PXDNL: variants seen among roughly 807,000 people sequenced by gnomAD.
PXDNL encodes the protein peroxidasin like.
PXDNL carries 145 observed loss-of-function variants against 150.8 expected under a neutral mutation model. The ratio of observed to expected loss-of-function variants is 0.96; its 90% CI spans 0.84 to 1.10. The LOEUF (loss-of-function observed/expected upper bound fraction) is 1.10. Ranked by LOEUF, PXDNL falls within the 50% of genes least tolerant of loss-of-function variation. PXDNL has a pLI of 0.00. For synonymous variants in PXDNL, 757 were observed against 725.7 expected, an observed-to-expected ratio of 1.04 and a Z score of -0.69; for missense variants, 2,087 against 1,873.9, an observed-to-expected ratio of 1.11 and a Z score of -2.10.
intron 1 of PXDNL, among the ~76,000 whole-genome samples, chr8:51,719,293 C>T (rs995486201): frequency 3.3e-5 from 5 of 152,204 alleles, no homozygotes; most frequent in African/African-American, 1.2e-4. Context: ...TTGTTCTGTA[C>T]TAAGAAAAAT....
intron 4 of PXDNL, among the ~76,000 whole-genome samples, chr8:51,541,229 G>T (rs1202320079): frequency 6.8e-6 from 1 of 146,070 alleles, no homozygotes; most frequent in Non-Finnish European, 1.5e-5. Context: ...CTGCACTCCG[G>T]CCTGGCGACA....
At chr8:51,502,282 G>A (rs937866498) in intron 4 of PXDNL, among the ~76,000 whole-genome samples, 4 of 152,200 alleles carry the variant, frequency 2.6e-5, no homozygotes, top group Non-Finnish European at 5.9e-5. Flanking sequence ...CACAGGCTCA[G>A]CTGACACAGA....
intron 4 of PXDNL, among the ~76,000 whole-genome samples, chr8:51,527,552 A>G (rs1378851678): frequency 6.6e-6 from 1 of 152,206 alleles, no homozygotes; most frequent in Non-Finnish European, 1.5e-5. Flanking sequence ...TGAGGTGAGT[A>G]TTATTATCCA....
At chr8:51,530,260 G>A (rs560788724) in intron 4 of PXDNL, among the ~76,000 whole-genome samples, 1 of 152,212 alleles carries the variant, frequency 6.6e-6, no homozygotes, top group African/African-American at 2.4e-5. Context: ...GCGGCAAAAA[G>A]GGATCTAGCG....
intron 2 of PXDNL, among the ~76,000 whole-genome samples, chr8:51,622,152 G>C (rs1202246205): frequency 6.6e-6 from 1 of 152,092 alleles, no homozygotes; most frequent in Admixed American, 6.5e-5. Context: ...CACCTGTCAG[G>C]ACCAAAGAGG....
At chr8:51,367,516 C>G (rs1250698728) in intron 19 of PXDNL, among the ~76,000 whole-genome samples, 1 of 152,100 alleles carries the variant, frequency 6.6e-6, no homozygotes, top group African/African-American at 2.4e-5. Flanking sequence ...TCTGACAACA[C>G]TTTTTTTCAT....
Position 51,669,230 on chromosome 8 carries a change from G to A in PXDNL, c.165-14470C>T, listed in dbSNP as rs977717777. On this transcript the variant is annotated intron_variant, in intron 1 of 22. Coordinates refer to ENST00000356297, the MANE Select transcript of PXDNL (RefSeq NM_144651.5). ...CGGAAACTTAATGTAGAAAGTTCACGGAATTAACTAGGATCAAAAAGAGAA... is the reference window on the plus strand; with the variant it reads ...CGGAAACTTAATGTAGAAAGTTCACAGAATTAACTAGGATCAAAAAGAGAA... 5.3e-5 allele frequency among the ~76,000 whole-genome samples: 8 copies of A among 152,064 alleles called. No individual in the cohort carries two copies. The South Asian group carries it at 6.2e-4, about 12-fold the overall frequency.
intron 4 of PXDNL, among the ~76,000 whole-genome samples, chr8:51,540,612 C>T (rs1812194975): frequency 1.3e-5 from 2 of 151,674 alleles, no homozygotes; most frequent in South Asian, 4.2e-4. Context: ...ATTTATTGAG[C>T]TTTATTATGT....
At chr8:51,533,643 C>T (rs1278545829) in intron 4 of PXDNL, among the ~76,000 whole-genome samples, 2 of 150,258 alleles carry the variant, frequency 1.3e-5, no homozygotes, top group African/African-American at 5.0e-5. Flanking sequence ...GCCGCCACGC[C>T]TGACTGGTTT....
intron 6 of PXDNL, among the ~76,000 whole-genome samples, chr8:51,476,941 A>AAAGTCCTT (rs1810492257): frequency 6.6e-6 from 1 of 152,232 alleles, no homozygotes; most frequent in South Asian, 2.1e-4. Flanking sequence ...AACATGGAAA[A>AAAGTCCTT]ACAAATACAC....
At position 51,404,875 on chromosome 8, in the gene PXDNL, C is replaced by T. The variant is rs1482716505; in HGVS notation, c.3557+3192G>A. On this transcript the variant is annotated intron_variant, in intron 17 of 22. Transcript: ENST00000356297. ...GGACTGGGTGCCCCAGAGCAGGGGA[C>T]GGTGATCGTCAGGGAGGCTCGGGCT... is the stretch of plus-strand genomic sequence containing the variant. Among the ~76,000 whole-genome samples the T allele has an allele frequency of 6.6e-5, 10 of 152,270 alleles. No individual in the cohort carries two copies. In the East Asian group the frequency reaches 9.7e-4, roughly 15 times the overall value.
At chr8:51,374,068 C>G (rs970752113) in intron 18 of PXDNL, among the ~76,000 whole-genome samples, 16 of 152,180 alleles carry the variant, frequency 1.1e-4, no homozygotes, top group African/African-American at 3.6e-4. Context: ...AGTTATCTTT[C>G]CACTCGTAAA....
chr8:51,687,294 C>G (rs1040852998), intron 1 of PXDNL, among the ~76,000 whole-genome samples: 3 of 152,120 alleles, frequency 2.0e-5, no homozygotes, highest in Non-Finnish European at 4.4e-5. Flanking sequence ...TTAGGAGTCT[C>G]AATATGTCAG....
chr8:51,764,233 T>C (rs1447822948), intron 1 of PXDNL, among the ~76,000 whole-genome samples: 1 of 152,086 alleles, frequency 6.6e-6, no homozygotes, highest in Non-Finnish European at 1.5e-5. Flanking sequence ...ATTTGTCAAT[T>C]TTTTGACCTT....
At chr8:51,749,986 C>T (rs191127189) in intron 1 of PXDNL, among the ~76,000 whole-genome samples, 218 of 152,310 alleles carry the variant, frequency 1.4e-3, no homozygotes, top group Non-Finnish European at 2.9e-3. Context: ...AGGCGTGAGC[C>T]ACCAGGCCCG....
In PXDNL at chr8:51,556,862, C is replaced by T; in HGVS notation, c.358G>A (p.Gly120Arg). 1 of 1,581,384 alleles carries T rather than the reference C, an allele frequency of 6.3e-7. No homozygotes were observed. The highest frequency in any genetic ancestry group is 8.7e-7 in the Non-Finnish European group (1 of 1,151,222). Residue 120 changes from glycine to arginine, a missense_variant, in exon 4 of 23, where the codon GGA becomes AGA. Physicochemically the swap from Gly to Arg is moderately radical, Grantham distance 125. Coordinates refer to ENST00000356297, the MANE Select transcript of PXDNL (RefSeq NM_144651.5). ...IHALDKQTFKGLISLEHLYIH... is the reference protein window; with the variant it reads ...IHALDKQTFKRLISLEHLYIH... Reference sequence around the variant, plus strand: ...TACAGATGTTCCAAAGATATGAGTCCTTTAAATGTTTGCTTATCTAGTGCA... The same window carrying T: ...TACAGATGTTCCAAAGATATGAGTCTTTTAAATGTTTGCTTATCTAGTGCA...
intron 4 of PXDNL, among the ~76,000 whole-genome samples, chr8:51,539,108 T>C (rs1438133722): frequency 1.3e-5 from 2 of 152,178 alleles, no homozygotes; most frequent in East Asian, 1.9e-4. Context: ...GGGTCTTTCC[T>C]AGATGTCTTT....
At chr8:51,645,296 T>C (rs1256418001) in intron 2 of PXDNL, among the ~76,000 whole-genome samples, 1 of 152,100 alleles carries the variant, frequency 6.6e-6, no homozygotes, top group Non-Finnish European at 1.5e-5. Flanking sequence ...AGGCCACCAA[T>C]TCATGCTTAT....
At chr8:51,529,735 A>AT (rs1299263336) in intron 4 of PXDNL, among the ~76,000 whole-genome samples, 3 of 152,110 alleles carry the variant, frequency 2.0e-5, no homozygotes, top group Non-Finnish European at 2.9e-5. Flanking sequence ...TAAACATCTG[A>AT]TAGCCACCTG....
Sources: gnomAD v4.1 joint callset for allele counts (sites outside exome capture counted in the v4.1 genomes callset) on GRCh38, gnomAD v4.1.1 for gene constraint, MANE v1.5 for transcripts, NCBI Gene and HGNC (gene_info 2026-07-23, HGNC 2026-07-21) for gene names.